Variants in SPATA7 observed in about 807,000 individuals in gnomAD.
SPATA7 encodes the protein spermatogenesis-associated protein 7.
Under a neutral mutation model 51.8 loss-of-function variants are expected in SPATA7, and 43 were observed. The observed-to-expected ratio is 0.83, with a 90% CI of 0.65 to 1.07. The LOEUF is 1.07. Among genes scored for constraint, SPATA7 ranks in the 50% least tolerant of loss-of-function variants. The pLI is 0.00. For synonymous variants in SPATA7, 230 were observed against 252.8 expected (o/e 0.91, Z 0.86); for missense variants, 683 against 701.3 (o/e 0.97, Z 0.30).
downstream of SPATA7, among the ~76,000 whole-genome samples, chr14:88,458,977 A>G (rs1249818188): frequency 6.6e-6 from 1 of 152,126 alleles, no homozygotes; most frequent in Non-Finnish European, 1.5e-5. Context: ...ATTTTGTTAT[A>G]TACCCATTAG....
At chr14:88,456,645 T>C (rs1379010100), downstream of SPATA7, among the ~76,000 whole-genome samples, 2 of 149,894 alleles carry the variant, frequency 1.3e-5, no homozygotes, top group Non-Finnish European at 1.5e-5. Flanking sequence ...GATGAGTAGA[T>C]TGCAAAAATT....
chr14:88,454,887 G>A (rs902322683), intron 3 of SPATA7, among the ~76,000 whole-genome samples: 1 of 152,112 alleles, frequency 6.6e-6, no homozygotes, highest in Non-Finnish European at 1.5e-5. Flanking sequence ...TCCCAAATTA[G>A]GACATATATT....
In SPATA7 at chr14:88,412,522, C is replaced by T. The variant is rs117562838; in HGVS notation, c.239-4189C>T. ...TTTTTCTGCCTGCTTTATGTTCGCT[C>T]GCAGCTGATTAGATGGTGCCCACCC... On this transcript the variant is annotated intron_variant, in intron 4 of 11. Coordinates refer to ENST00000393545, the MANE Select transcript of SPATA7 (RefSeq NM_018418.5). 6.3e-3 allele frequency among the ~76,000 whole-genome samples: 953 copies of T among 152,152 alleles called. 3 individuals are homozygous for T. The highest frequency in any genetic ancestry group is 0.011 in the African/African-American group (443 of 41,504).
chr14:88,461,378 CTTTG>C (rs1442520881), intron 4 of SPATA7, among the ~76,000 whole-genome samples: 2 of 152,174 alleles, frequency 1.3e-5, no homozygotes, highest in Non-Finnish European at 2.9e-5. Context: ...TTCCTGGCTG[CTTTG>C]TTTACCTACT....
intron 4 of SPATA7, among the ~76,000 whole-genome samples, chr14:88,414,996 G>A (rs1323323234): frequency 1.3e-5 from 2 of 152,160 alleles, no homozygotes; most frequent in African/African-American, 4.8e-5. Context: ...CTTAGAGTAT[G>A]TTCCACATGC....
At chr14:88,470,250 A>G (rs2077439894) in exon 5 of SPATA7, 3 of 594,074 alleles carry the variant, frequency 5.0e-6, no homozygotes, top group Non-Finnish European at 8.8e-6. Flanking sequence ...TGACATTTTT[A>G]TAAACTTAGG....
intron 5 of SPATA7, among the ~76,000 whole-genome samples, chr14:88,421,958 A>G (rs1425685451): frequency 6.6e-6 from 1 of 151,748 alleles, no homozygotes; most frequent in South Asian, 2.1e-4. Context: ...AAAAAAAAAA[A>G]AAAAAAGTAG....
At chr14:88,455,377 G>C (rs1595317253), downstream of SPATA7, 1 of 191,504 alleles carries the variant, frequency 5.2e-6, no homozygotes, top group Non-Finnish European at 1.1e-5. Context: ...ATCCAGTGGG[G>C]AAATAGGACT....
chr14:88,390,860 C>T (rs1366294804), intron 1 of SPATA7, among the ~76,000 whole-genome samples: 1 of 152,030 alleles, frequency 6.6e-6, no homozygotes, highest in Non-Finnish European at 1.5e-5. Flanking sequence ...ATCTTTTTTC[C>T]CAGTTCAGAT....
chr14:88,405,428 C>T (rs1434431332), intron 4 of SPATA7, among the ~76,000 whole-genome samples: 1 of 152,178 alleles, frequency 6.6e-6, no homozygotes, highest in African/African-American at 2.4e-5. Context: ...AGCAGAATGA[C>T]TAGTTAGAAG....
intron 4 of SPATA7, chr14:88,467,432 C>T (rs549475202): frequency 6.6e-6 from 1 of 152,254 alleles, no homozygotes; most frequent in Non-Finnish European, 1.5e-5. Context: ...TTTACATTAA[C>T]TGACTCATTT....
intron 4 of SPATA7, among the ~76,000 whole-genome samples, chr14:88,405,310 C>A (rs1412580393): frequency 6.6e-6 from 1 of 152,210 alleles, no homozygotes; most frequent in Non-Finnish European, 1.5e-5. Context: ...CTTTGGCCTT[C>A]ACTCTGAATG....
At chr14:88,406,434 C>CTT (rs59427279) in intron 4 of SPATA7, among the ~76,000 whole-genome samples, 4,880 of 138,042 alleles carry the variant, frequency 0.035, 264 homozygotes, top group African/African-American at 0.12. Flanking sequence ...CACTAATCTA[C>CTT]TTTTTTTTTT....
intron 5 of SPATA7, among the ~76,000 whole-genome samples, chr14:88,422,269 A>C (rs1769506701): frequency 6.6e-6 from 1 of 152,106 alleles, no homozygotes. Context: ...CATCAGGGGA[A>C]GCAGTGAATA....
intron 5 of SPATA7, among the ~76,000 whole-genome samples, chr14:88,425,483 G>A (rs1440970455): frequency 6.6e-6 from 1 of 152,066 alleles, no homozygotes; most frequent in Non-Finnish European, 1.5e-5. Context: ...ATACAGATGT[G>A]TCCGTAAGGG....
intron 5 of SPATA7, among the ~76,000 whole-genome samples, chr14:88,421,074 A>G (rs1222738773): frequency 6.6e-6 from 1 of 152,104 alleles, no homozygotes; most frequent in Non-Finnish European, 1.5e-5. Context: ...AGTTAACGCC[A>G]CTGCACTCCA....
intron 4 of SPATA7, among the ~76,000 whole-genome samples, chr14:88,407,561 T>G (rs1487724505): frequency 6.6e-6 from 1 of 152,260 alleles, no homozygotes; most frequent in Non-Finnish European, 1.5e-5. Context: ...GTGGGTTGTT[T>G]GTCCACTCTG....
intron 4 of SPATA7, among the ~76,000 whole-genome samples, chr14:88,404,893 T>G (rs1325654319): frequency 2.0e-5 from 3 of 152,156 alleles, no homozygotes; most frequent in Non-Finnish European, 4.4e-5. Context: ...ACTAAAGAGG[T>G]GAACAGGACA....
chr14:88,428,219 TTAAA>T (rs1239846901), intron 7 of SPATA7: 1 of 152,154 alleles, frequency 6.6e-6, no homozygotes, highest in Admixed American at 6.6e-5. Context: ...ATCATTTCTT[TTAAA>T]ATATTGCAAC....
Sources: gnomAD v4.1 joint callset for allele counts (sites outside exome capture counted in the v4.1 genomes callset) on GRCh38, gnomAD v4.1.1 for gene constraint, MANE v1.5 for transcripts, NCBI Gene and HGNC (gene_info 2026-07-23, HGNC 2026-07-21) for gene names.